The following CSMD1 variants were observed in gnomAD, a reference collection of about 807,000 sequenced individuals.
The protein encoded by CSMD1 is CUB and Sushi multiple domains 1, also known as CUB and sushi domain-containing protein 1.
A neutral mutation model predicts 417.5 loss-of-function variants in CSMD1; 213 were observed. The ratio of observed to expected loss-of-function variants is 0.51; its 90% CI spans 0.46 to 0.57. The LOEUF is 0.57. Among genes scored for constraint, CSMD1 ranks in the 20% least tolerant of loss-of-function variants. The pLI is 0.00. For missense variants in CSMD1, 6,923 were observed against 4,529.7 expected, an observed-to-expected ratio of 1.53 and a Z score of -15.17; for synonymous variants, 2,862 against 1,736.8, an observed-to-expected ratio of 1.65 and a Z score of -16.11.
At chr8:3,206,012 T>C (rs1462156372) in intron 30 of CSMD1, among the ~76,000 whole-genome samples, 1 of 152,200 alleles carries the variant, frequency 6.6e-6, no homozygotes, top group Non-Finnish European at 1.5e-5. Flanking sequence ...TTCAGTTTTC[T>C]ATCACTTTTA....
chr8:3,700,451 A>T (rs1440115942), intron 7 of CSMD1: 3 of 152,200 alleles, frequency 2.0e-5, no homozygotes, highest in Non-Finnish European at 4.4e-5. Flanking sequence ...ACACAAAAAC[A>T]GAGCAAGTAA....
At chr8:3,150,311 C>G (rs1198528240) in intron 40 of CSMD1, among the ~76,000 whole-genome samples, 1 of 152,230 alleles carries the variant, frequency 6.6e-6, no homozygotes, top group East Asian at 1.9e-4. Context: ...CTCCCCAGGC[C>G]GTCCCCATCG....
intron 3 of CSMD1, among the ~76,000 whole-genome samples, chr8:4,303,178 A>C (rs1315880556): frequency 6.6e-6 from 1 of 152,140 alleles, no homozygotes; most frequent in African/African-American, 2.4e-5. Context: ...GGGCATGAAT[A>C]TTGTGGGCTT....
At chr8:4,563,387 C>T (rs957412631) in intron 2 of CSMD1, among the ~76,000 whole-genome samples, 11 of 151,950 alleles carry the variant, frequency 7.2e-5, no homozygotes, top group East Asian at 5.8e-4. Context: ...GGTAACAGAG[C>T]GACACTCTGT....
intron 2 of CSMD1, among the ~76,000 whole-genome samples, chr8:4,539,419 G>A (rs557351004): frequency 2.0e-5 from 3 of 152,100 alleles, no homozygotes; most frequent in Non-Finnish European, 2.9e-5. Flanking sequence ...ATTTATGATG[G>A]CATTACATTT....
chr8:3,775,555 G>A (rs146776848), intron 5 of CSMD1, among the ~76,000 whole-genome samples: 128 of 152,296 alleles, frequency 8.4e-4, no homozygotes, highest in African/African-American at 2.9e-3. Flanking sequence ...TTACAAGAGC[G>A]CAACTTCAAA....
At chr8:3,079,525 T>C (rs925398675) in intron 49 of CSMD1, among the ~76,000 whole-genome samples, 2 of 152,128 alleles carry the variant, frequency 1.3e-5, no homozygotes, top group Non-Finnish European at 2.9e-5. Context: ...AAGATAAAAG[T>C]CTCAAATACC....
At chr8:3,634,425 G>C (rs1365582361) in intron 7 of CSMD1, among the ~76,000 whole-genome samples, 3 of 152,126 alleles carry the variant, frequency 2.0e-5, no homozygotes, top group Non-Finnish European at 4.4e-5. Context: ...CTGTGCGTGG[G>C]GTCACACGTC....
intron 1 of CSMD1, among the ~76,000 whole-genome samples, chr8:4,741,340 C>G (rs1055214083): frequency 6.6e-6 from 1 of 152,212 alleles, no homozygotes; most frequent in Non-Finnish European, 1.5e-5. Flanking sequence ...TCAGACCATA[C>G]TATGTCTACA....
chr8:3,145,949 A>G (rs1444445999), intron 40 of CSMD1, among the ~76,000 whole-genome samples: 1 of 152,252 alleles, frequency 6.6e-6, no homozygotes, highest in African/African-American at 2.4e-5. Context: ...TTGAATAGTA[A>G]TGTGACCATG....
At chr8:3,564,048 G>A (rs1480736370) in intron 10 of CSMD1, among the ~76,000 whole-genome samples, 2 of 152,024 alleles carry the variant, frequency 1.3e-5, no homozygotes, top group African/African-American at 2.4e-5. Flanking sequence ...TATTTTGGGG[G>A]TACACGTGAT....
chr8:4,094,911 G>C (rs555238881), intron 3 of CSMD1, among the ~76,000 whole-genome samples: 5 of 152,184 alleles, frequency 3.3e-5, no homozygotes, highest in Non-Finnish European at 7.3e-5. Context: ...ATACTGGAGA[G>C]ACATGGGGAA....
chr8:4,476,801 C>A (rs947361543), intron 2 of CSMD1, among the ~76,000 whole-genome samples: 5 of 152,144 alleles, frequency 3.3e-5, no homozygotes, highest in Non-Finnish European at 7.3e-5. Context: ...CACATGAAGT[C>A]CTCCATCAAA....
rs555847049 is a variant in CSMD1 at position 3,462,130 on chromosome 8, C to G, written c.1561+6582G>C. 1.1e-4 allele frequency among the ~76,000 whole-genome samples: 17 copies of G among 152,222 alleles called. No individual in the cohort carries two copies. In the East Asian group the frequency reaches 2.5e-3, roughly 23 times the overall value. On this transcript the variant is annotated intron_variant, in intron 12 of 69. Coordinates refer to ENST00000635120, the MANE Select transcript of CSMD1 (RefSeq NM_033225.6). ...CTCTCTTCAGAATCCAGGCCCCCCC[C>G]CCCACCTCCCAGCTGCTCGGGACCC...
At chr8:3,423,367 T>C (rs1813618225) in intron 12 of CSMD1, among the ~76,000 whole-genome samples, 1 of 152,226 alleles carries the variant, frequency 6.6e-6, no homozygotes, top group Non-Finnish European at 1.5e-5. Flanking sequence ...CAACCAGTGA[T>C]CTGATTTCTG....
At chr8:4,685,306 G>C (rs910038348) in intron 1 of CSMD1, among the ~76,000 whole-genome samples, 3 of 152,160 alleles carry the variant, frequency 2.0e-5, no homozygotes, top group African/African-American at 4.8e-5. Context: ...AGGCGTGTTG[G>C]CTCATGCCTG....
Position 4,171,658 on chromosome 8 carries a change from T to A in CSMD1, c.416-139559A>T, listed in dbSNP as rs540250081. ...CCAAACTTGCCTGTTTTTTTCCCAA[T>A]GCAGATAAACTGGTAGAATATTTAG... On this transcript the variant is annotated intron_variant, in intron 3 of 69. Coordinates refer to ENST00000635120, the MANE Select transcript of CSMD1 (RefSeq NM_033225.6). 1.1e-4 allele frequency among the ~76,000 whole-genome samples: 16 copies of A among 152,070 alleles called. 1 individual carries two copies. The South Asian group carries it at 3.3e-3, about 32-fold the overall frequency.
At chr8:3,287,736 C>T (rs149156733) in intron 25 of CSMD1, among the ~76,000 whole-genome samples, 3,582 of 152,180 alleles carry the variant, frequency 0.024, 132 homozygotes, top group African/African-American at 0.079. Flanking sequence ...TATACAATCA[C>T]GTCATCTGCC....
At chr8:3,645,512 G>T (rs945711251) in intron 7 of CSMD1, among the ~76,000 whole-genome samples, 1 of 152,214 alleles carries the variant, frequency 6.6e-6, no homozygotes, top group Admixed American at 6.5e-5. Context: ...GGGGAAGGAA[G>T]GGGAGGATGT....
Sources: allele counts gnomAD v4.1 joint callset (sites outside exome capture counted in the v4.1 genomes callset), GRCh38; gene constraint gnomAD v4.1.1; transcripts MANE v1.5; gene names NCBI Gene and HGNC (gene_info 2026-07-23, HGNC 2026-07-21).